Variants in AP1B1 observed in about 807,000 individuals in gnomAD.
AP1B1 encodes the protein adaptor related protein complex 1 subunit beta 1.
A neutral mutation model predicts 104.3 loss-of-function variants in AP1B1; 36 were observed. The ratio of observed to expected loss-of-function variants is 0.35; its 90% CI spans 0.26 to 0.46. AP1B1 has a LOEUF of 0.46. Among genes scored for constraint, AP1B1 ranks in the 20% least tolerant of loss-of-function variants. AP1B1 has a pLI of 1.00. For missense variants in AP1B1, 901 were observed against 1,247.9 expected, an observed-to-expected ratio of 0.72 and a Z score of 4.19; for synonymous variants, 504 against 517.5, an observed-to-expected ratio of 0.97 and a Z score of 0.35.
chr22:29,354,629 T>C (rs1479296059), intron 7 of AP1B1, 21 bp downstream of exon 7: 4 of 1,611,274 alleles, frequency 2.5e-6, no homozygotes, highest in South Asian at 1.1e-5. Flanking sequence ...CGCATGGACG[T>C]GCGTGTGGTG....
Position 29,373,689 on chromosome 22 carries a change from G to A in AP1B1, c.-27-6419C>T, listed in dbSNP as rs1363729862. The stretch of plus-strand genomic sequence containing the variant: ...AGGCCAAGGCGGGTGGATCACCTGC[G>A]GCCAGGAGTTCGAGACTGGCCTGGC... On this transcript the variant is annotated intron_variant, in intron 1 of 22. Transcript: ENST00000357586. 4.6e-5 allele frequency among the ~76,000 whole-genome samples: 7 copies of A among 152,272 alleles called. No homozygotes were observed. In the South Asian group the frequency reaches 6.2e-4, roughly 14 times the overall value.
chr22:29,374,624 C>T (rs2062303751), intron 1 of AP1B1, among the ~76,000 whole-genome samples: 1 of 152,120 alleles, frequency 6.6e-6, no homozygotes, highest in Non-Finnish European at 1.5e-5. Context: ...CTAATAACAC[C>T]CCATGTTGGA....
intron 11 of AP1B1, among the ~76,000 whole-genome samples, chr22:29,344,709 G>A (rs1263408414): frequency 5.3e-5 from 8 of 151,590 alleles, no homozygotes; most frequent in African/African-American, 1.9e-4. Context: ...ATTTTTAGAT[G>A]GGTTTCACCA....
chr22:29,341,694 C>T lies in AP1B1; in HGVS notation c.1603G>A (p.Val535Met), dbSNP rs1366862763. Residue 535 changes from valine (V) to methionine (M), a missense_variant, in exon 13 of 23, where the codon GTG becomes ATG. Physicochemically the swap from Val to Met is conservative, Grantham distance 21. Coordinates refer to ENST00000357586, the MANE Select transcript of AP1B1 (RefSeq NM_001127.4). ...IYWRLLSTDP[V>M]AAKEVVLAEK... ...GCCAACACCACCTCCTTGGCTGCCA[C>T]CGGGTCCGTGGACAGCAGGCGCCAG... The T allele has an allele frequency of 1.2e-6, 2 of 1,614,162 alleles. No individual in the cohort carries two copies. Among genetic ancestry groups the T allele is most frequent in the Non-Finnish European group, 1.7e-6 (2 of 1,180,000 alleles).
In AP1B1 at chr22:29,339,322, G is replaced by T. The variant is rs533492051; in HGVS notation, c.2020-189C>A. ...TGGAGAAGAGAGGCTGAGCCCTCCC[G>T]TGCCCTGCAAGCCTTGAGCCTTAGG... On this transcript the variant is annotated intron_variant, in intron 15 of 22. Coordinates refer to ENST00000357586, the MANE Select transcript of AP1B1 (RefSeq NM_001127.4). Among the ~76,000 whole-genome samples the T allele has an allele frequency of 1.2e-4, 19 of 152,244 alleles. 1 individual carries two copies. In the South Asian group the frequency reaches 2.1e-3, roughly 17 times the overall value.
chr22:29,339,624 TG>T, intron 15 of AP1B1, 129 bp downstream of exon 15: 1 of 980,794 alleles, frequency 1.0e-6, no homozygotes, highest in Non-Finnish European at 1.5e-6. Flanking sequence ...GCCAGGATGC[TG>T]GACCAAGGCA....
intron 2 of AP1B1, among the ~76,000 whole-genome samples, chr22:29,366,232 C>G (rs994576807): frequency 2.0e-5 from 3 of 152,174 alleles, no homozygotes; most frequent in Non-Finnish European, 4.4e-5. Flanking sequence ...ATAAGCCTAG[C>G]TTAGCAAATT....
Position 29,331,939 on chromosome 22 carries a change from G to GGGAT in AP1B1, c.2310-27_2310-24dup, listed in dbSNP as rs2061566340. On this transcript the variant is annotated intron_variant, in intron 17 of 22. Coordinates refer to ENST00000357586, the MANE Select transcript of AP1B1 (RefSeq NM_001127.4). ...AAGCTGGGGAGAGAGAAGCCCCACA[G>GGGAT]GGATGGCAGGGGGAGTAGGTGCTGA... 5 of 1,594,096 alleles carry GGGAT rather than the reference G, an allele frequency of 3.1e-6. No individual in the cohort carries two copies. In the South Asian group the frequency reaches 4.4e-5, roughly 14 times the overall value.
intron 6 of AP1B1, among the ~76,000 whole-genome samples, chr22:29,355,854 T>C (rs1237980072): frequency 7.6e-6 from 1 of 131,024 alleles, no homozygotes; most frequent in African/African-American, 2.9e-5. Context: ...ACAGAGACCC[T>C]GCCAAAAAAA....
chr22:29,345,398 G>A (rs531133522), intron 11 of AP1B1, among the ~76,000 whole-genome samples: 2 of 143,070 alleles, frequency 1.4e-5, no homozygotes, highest in East Asian at 4.1e-4. Flanking sequence ...CTGAGATGGA[G>A]TCTCGGTCTG....
At position 29,330,668 on chromosome 22, in the gene AP1B1, C is replaced by T. The variant is rs1308644175; in HGVS notation, c.2566G>A (p.Glu856Lys). Residue 856 changes from glutamate (E) to lysine (K), a missense_variant, in exon 20 of 23, where the codon GAG becomes AAG. Coordinates refer to ENST00000357586, the MANE Select transcript of AP1B1 (RefSeq NM_001127.4). ...FLATWKDIPNENEAQFQIRDC... is the reference protein window; with the variant it reads ...FLATWKDIPNKNEAQFQIRDC... ...CTGATCTGGAACTGGGCCTCATTCT[C>T]ATTGGGAATATCCTTCCATGTGGCC... 2 of 1,613,830 alleles carry T rather than the reference C, an allele frequency of 1.2e-6. No homozygotes were observed. The highest frequency in any genetic ancestry group is 1.7e-6 in the Non-Finnish European group (2 of 1,180,014).
At chr22:29,342,813 G>A (rs981030213) in intron 11 of AP1B1, among the ~76,000 whole-genome samples, 2 of 152,148 alleles carry the variant, frequency 1.3e-5, no homozygotes, top group Non-Finnish European at 2.9e-5. Flanking sequence ...AGAGCCTGCC[G>A]TCAAGGACCT....
chr22:29,362,471 C>T (rs1428557611), intron 3 of AP1B1, among the ~76,000 whole-genome samples: 7 of 152,008 alleles, frequency 4.6e-5, no homozygotes, highest in South Asian at 2.1e-4. Flanking sequence ...CTCAGCCTCC[C>T]GAGTAGCTGA....
intron 1 of AP1B1, among the ~76,000 whole-genome samples, chr22:29,369,088 A>G (rs1218229498): frequency 6.6e-6 from 1 of 152,190 alleles, no homozygotes; most frequent in African/African-American, 2.4e-5. Flanking sequence ...GCGTCTATGG[A>G]AGGGACTCAA....
At chr22:29,359,178 C>T (rs2062006247) in intron 4 of AP1B1, among the ~76,000 whole-genome samples, 1 of 152,192 alleles carries the variant, frequency 6.6e-6, no homozygotes, top group Non-Finnish European at 1.5e-5. Flanking sequence ...CTCCTCTGAT[C>T]CTCACAGTAG....
chr22:29,331,704 C>T (rs1326617531), intron 18 of AP1B1, 83 bp downstream of exon 18: 7 of 1,610,946 alleles, frequency 4.3e-6, no homozygotes, highest in Non-Finnish European at 5.9e-6. Context: ...CATGACTCCG[C>T]AGACACGACC....
chr22:29,380,788 AC>A (rs1471093375), intron 1 of AP1B1, among the ~76,000 whole-genome samples: 1 of 152,042 alleles, frequency 6.6e-6, no homozygotes, highest in Admixed American at 6.6e-5. Context: ...CTTTGCTGAC[AC>A]CCCATCTCAG....
chr22:29,365,041 C>T (rs2062111559), intron 2 of AP1B1, among the ~76,000 whole-genome samples: 2 of 152,158 alleles, frequency 1.3e-5, no homozygotes, highest in South Asian at 2.1e-4. Context: ...TAGTCCCATA[C>T]TAACTTGTTC....
chr22:29,361,253 C>T (rs58595531), intron 3 of AP1B1, among the ~76,000 whole-genome samples: 13,336 of 151,900 alleles, frequency 0.088, 800 homozygotes, highest in South Asian at 0.27. Flanking sequence ...AGCCCCTTCC[C>T]GGAGCTGCTG....
Sources: gnomAD v4.1 joint callset for allele counts (sites outside exome capture counted in the v4.1 genomes callset) on GRCh38, gnomAD v4.1.1 for gene constraint, MANE v1.5 for transcripts, NCBI Gene and HGNC (gene_info 2026-07-23, HGNC 2026-07-21) for gene names.